The following EGFR variants were observed in gnomAD, a reference collection of about 807,000 sequenced individuals.
EGFR encodes the protein epidermal growth factor receptor.
Under a neutral mutation model 143.0 loss-of-function variants are expected in EGFR, and 58 were observed. The observed-to-expected ratio is 0.41, with a 90% CI of 0.33 to 0.50. The LOEUF (loss-of-function observed/expected upper bound fraction) is 0.50, where lower values mean the gene tolerates loss of function less well. Ranked by LOEUF, EGFR falls within the 20% of genes least tolerant of loss-of-function variation. The pLI is 0.39. For missense variants in EGFR, 1,307 were observed against 1,579.0 expected (o/e 0.83, Z 2.92); for synonymous variants, 613 against 594.4 (o/e 1.03, Z -0.45).
intron 1 of EGFR, among the ~76,000 whole-genome samples, chr7:55,019,747 G>C (rs1346502889): frequency 6.6e-6 from 1 of 152,152 alleles, no homozygotes; most frequent in African/African-American, 2.4e-5. Flanking sequence ...CCGGGGTCCC[G>C]CACGTGCGCC....
At chr7:55,045,240 A>C (rs1389738085) in intron 1 of EGFR, among the ~76,000 whole-genome samples, 1 of 152,240 alleles carries the variant, frequency 6.6e-6, no homozygotes, top group Non-Finnish European at 1.5e-5. Flanking sequence ...TTTATTAATC[A>C]TATATTATGA....
intron 15 of EGFR, chr7:55,170,487 C>A (rs2128950779): frequency 1.2e-6 from 2 of 1,613,994 alleles, no homozygotes; most frequent in Non-Finnish European, 1.7e-6. Flanking sequence ...GTGGATGCAG[C>A]CACCTCCATG....
At position 55,183,595 on chromosome 7, in the gene EGFR, A is replaced by G. The variant is rs17337282; in HGVS notation, c.2469+2117A>G. ...GCTGGGTGTGGAGCTACATCCACTC[A>G]TGCCCTGACCTGGAACCCAGACCTG... On this transcript the variant is annotated intron_variant, in intron 20 of 27. Coordinates refer to ENST00000275493, the MANE Select transcript of EGFR (RefSeq NM_005228.5). Among the ~76,000 whole-genome samples the G allele has an allele frequency of 4.9e-3, 741 of 152,300 alleles. 10 individuals are homozygous for G. Among genetic ancestry groups the G allele is most frequent in the African/African-American group, 0.017 (701 of 41,562 alleles).
chr7:55,070,420 G>A (rs1583964462), intron 1 of EGFR, among the ~76,000 whole-genome samples: 1 of 152,192 alleles, frequency 6.6e-6, no homozygotes, highest in East Asian at 1.9e-4. Flanking sequence ...TTCATCTTCG[G>A]ACAAATTGCC....
At chr7:55,135,605 G>A (rs1319356801) in intron 1 of EGFR, among the ~76,000 whole-genome samples, 2 of 151,970 alleles carry the variant, frequency 1.3e-5, no homozygotes, top group Admixed American at 6.6e-5. Flanking sequence ...TCCCACAAAA[G>A]TTTTGATTAA....
rs200855539 is a variant in EGFR at position 55,173,055 on chromosome 7, C to G, written c.1992C>G (p.Ile664Met). 1 of 1,613,794 alleles carries G rather than the reference C, an allele frequency of 6.2e-7. No individual in the cohort carries two copies. Among genetic ancestry groups the G allele is most frequent in the Non-Finnish European group, 8.5e-7 (1 of 1,180,010 alleles). ...TGCTGCTGGTGGTGGCCCTGGGGAT[C>G]GGCCTCTTCATGCGAAGGCGCCACA... ...LLLLLVVALG[I>M]GLFMRRRHIV... The change falls in exon 17 of 28, where the codon ATC (isoleucine) becomes ATG (methionine). Residue 664 changes from isoleucine (I) to methionine (M), a missense_variant. By Grantham distance (10) the Ile-to-Met change is conservative. Coordinates refer to ENST00000275493, the MANE Select transcript of EGFR (RefSeq NM_005228.5).
chr7:55,107,392 T>C (rs1182137773), intron 1 of EGFR, among the ~76,000 whole-genome samples: 1 of 152,214 alleles, frequency 6.6e-6, no homozygotes, highest in African/African-American at 2.4e-5. Context: ...CAGAGACCTA[T>C]TGTTTTTCCA....
intron 20 of EGFR, among the ~76,000 whole-genome samples, chr7:55,186,592 G>A (rs985531554): frequency 2.0e-5 from 3 of 152,182 alleles, no homozygotes; most frequent in African/African-American, 7.2e-5. Context: ...TCCACAAAGG[G>A]TCGCAGCTAA....
chr7:55,192,303 G>A (rs1787432412), intron 21 of EGFR, among the ~76,000 whole-genome samples: 1 of 152,142 alleles, frequency 6.6e-6, no homozygotes, highest in Admixed American at 6.5e-5. Context: ...AGGCAGCAAT[G>A]GAGTCCTTCT....
At chr7:55,137,270 C>T (rs1251330239) in intron 1 of EGFR, among the ~76,000 whole-genome samples, 3 of 152,168 alleles carry the variant, frequency 2.0e-5, no homozygotes, top group Non-Finnish European at 4.4e-5. Flanking sequence ...AACAGCCCAG[C>T]TCATACCTCA....
intron 1 of EGFR, among the ~76,000 whole-genome samples, chr7:55,111,354 C>T (rs1792476159): frequency 6.7e-6 from 1 of 150,372 alleles, no homozygotes; most frequent in African/African-American, 2.5e-5. Context: ...TTTCATCTCG[C>T]TTGCTAGACG....
chr7:55,078,057 C>T (rs950313933), intron 1 of EGFR, among the ~76,000 whole-genome samples: 1 of 152,146 alleles, frequency 6.6e-6, no homozygotes. Flanking sequence ...TTTAGAATAA[C>T]GTGCGCGAGT....
intron 1 of EGFR, among the ~76,000 whole-genome samples, chr7:55,074,964 T>C (rs1790052164): frequency 6.6e-6 from 1 of 152,202 alleles, no homozygotes; most frequent in Admixed American, 6.5e-5. Context: ...AACAATCACA[T>C]TCATGGAAAA....
At chr7:55,177,850 G>GTCA (rs1786667135) in intron 19 of EGFR, among the ~76,000 whole-genome samples, 1 of 152,226 alleles carries the variant, frequency 6.6e-6, no homozygotes, top group African/African-American at 2.4e-5. Flanking sequence ...CTTGCTGTAG[G>GTCA]TCACGGTGCA....
intron 1 of EGFR, among the ~76,000 whole-genome samples, chr7:55,130,214 C>G (rs529929975): frequency 6.6e-6 from 1 of 152,276 alleles, no homozygotes; most frequent in South Asian, 2.1e-4. Flanking sequence ...ACTCCCGACT[C>G]ACTCATTTTT....
At chr7:55,202,875 T>A (rs1443204490) in intron 27 of EGFR, 8 of 660,350 alleles carry the variant, frequency 1.2e-5, no homozygotes, top group Non-Finnish European at 5.5e-6. Context: ...ATTTCTAGCT[T>A]ATGAAGCAAA....
chr7:55,106,365 C>T (rs967676041), intron 1 of EGFR, among the ~76,000 whole-genome samples: 4 of 152,260 alleles, frequency 2.6e-5, no homozygotes, highest in Non-Finnish European at 5.9e-5. Context: ...ATCATCCTCC[C>T]TTTTCTGAGA....
chr7:55,191,712 G>C lies in EGFR; in HGVS notation c.2470-7G>C. The stretch of plus-strand genomic sequence containing the variant: ...TGTCCCTCACAGCAGGGTCTTCTCT[G>C]TTTCAGGGCATGAACTACTTGGAGG... On this transcript the variant is annotated splice_region_variant and splice_polypyrimidine_tract_variant and intron_variant, in intron 20 of 27. Transcript: ENST00000275493. 6.2e-7 allele frequency: 1 copy of C among 1,613,744 alleles called. No individual in the cohort carries two copies. The highest frequency in any genetic ancestry group is 8.5e-7 in the Non-Finnish European group (1 of 1,179,984).
chr7:55,140,085 A>C (rs1452855812), intron 1 of EGFR, among the ~76,000 whole-genome samples: 1 of 151,968 alleles, frequency 6.6e-6, no homozygotes, highest in African/African-American at 2.4e-5. Flanking sequence ...GCACTTTTTG[A>C]ATAAATAAAT....
Sources: gnomAD v4.1 joint callset for allele counts (sites outside exome capture counted in the v4.1 genomes callset) on GRCh38, gnomAD v4.1.1 for gene constraint, MANE v1.5 for transcripts, NCBI Gene and HGNC (gene_info 2026-07-23, HGNC 2026-07-21) for gene names.